The following APBB2 variants were observed in gnomAD, a reference collection of about 807,000 sequenced individuals.
APBB2 encodes the protein Fe65-like 1.
APBB2 carries 38 observed loss-of-function variants against 82.5 expected under a neutral mutation model. The ratio of observed to expected loss-of-function variants is 0.46; its 90% CI spans 0.36 to 0.60. APBB2 has a LOEUF of 0.60. Ranked by LOEUF, APBB2 falls within the 20% of genes least tolerant of loss-of-function variation. The pLI is 0.00. For missense variants in APBB2, 772 were observed against 972.3 expected (o/e 0.79, Z 2.74); for synonymous variants, 341 against 368.2 (o/e 0.93, Z 0.85).
intron 12 of APBB2, among the ~76,000 whole-genome samples, chr4:40,854,806 AAAAG>A (rs1156815011): frequency 6.6e-6 from 1 of 151,126 alleles, no homozygotes; most frequent in Non-Finnish European, 1.5e-5. Flanking sequence ...AAAAAAAAAA[AAAAG>A]AAGAAAGAAA....
intron 12 of APBB2, among the ~76,000 whole-genome samples, chr4:40,885,656 G>T (rs1459658787): frequency 6.6e-6 from 1 of 152,092 alleles, no homozygotes; most frequent in African/African-American, 2.4e-5. Context: ...GGCCCAATGG[G>T]GTCTCCACTT....
intron 12 of APBB2, among the ~76,000 whole-genome samples, chr4:40,887,329 G>T (rs545850335): frequency 6.6e-6 from 1 of 152,164 alleles, no homozygotes; most frequent in African/African-American, 2.4e-5. Flanking sequence ...AAGATTTTGC[G>T]CCCTTCATGT....
At chr4:41,164,111 A>C (rs1426582251) in intron 1 of APBB2, among the ~76,000 whole-genome samples, 1 of 152,230 alleles carries the variant, frequency 6.6e-6, no homozygotes, top group Non-Finnish European at 1.5e-5. Flanking sequence ...AAGTCTAAAC[A>C]TGAAATTCAT....
At chr4:40,975,441 C>T (rs896884183) in intron 6 of APBB2, among the ~76,000 whole-genome samples, 1 of 152,118 alleles carries the variant, frequency 6.6e-6, no homozygotes, top group Non-Finnish European at 1.5e-5. Context: ...CTAATCACAA[C>T]CATTTTTGTC....
At chr4:40,972,624 T>C (rs1222588979) in intron 6 of APBB2, among the ~76,000 whole-genome samples, 3 of 152,170 alleles carry the variant, frequency 2.0e-5, no homozygotes, top group African/African-American at 7.2e-5. Flanking sequence ...GAACCAGGCA[T>C]TGAACTAGGT....
Position 40,813,574 on chromosome 4 carries a change from T to C in APBB2, c.*2518A>G, listed in dbSNP as rs1260673647. The C allele has an allele frequency of 2.6e-5, 4 of 152,246 alleles. No homozygotes were observed. The highest frequency in any genetic ancestry group is 2.9e-5 in the Non-Finnish European group (2 of 68,040). The allele number at this position is 152,246 out of a possible 1,614,324, so 9.4% of individuals were successfully genotyped here. A position where few individuals can be genotyped will look rare whatever the true frequency, so the allele number is the denominator to read the frequency against. On this transcript the variant is annotated 3_prime_UTR_variant, in exon 18 of 18. Coordinates refer to ENST00000508593, the MANE Select transcript of APBB2 (RefSeq NM_004307.2). ...AAATTAATTTGCATTTACTATACAA[T>C]GCCATTTTCAAAACAAAACGTCTGC...
rs531838192 is a variant in APBB2 at position 40,964,860 on chromosome 4, C to G, written c.836-19787G>C. 6.6e-5 allele frequency among the ~76,000 whole-genome samples: 10 copies of G among 151,914 alleles called. No homozygotes were observed. The East Asian group carries it at 1.9e-3, about 29-fold the overall frequency. ...TAGTAGCCGGTAGTGGTGGCTCACA[C>G]CTGTAATCTTAGCACTTTGGGAGGC... On this transcript the variant is annotated intron_variant, in intron 6 of 17. Coordinates refer to ENST00000508593, the MANE Select transcript of APBB2 (RefSeq NM_004307.2).
In APBB2 at chr4:40,902,432, G is replaced by C. The variant is rs1465113326; in HGVS notation, c.1255-9021C>G. ...AGAAGAAATGGGTATAGGAAAGTAGGGAGGGGCAAGAAAGGGCTGCACAAC... is the reference window on the plus strand; with the variant it reads ...AGAAGAAATGGGTATAGGAAAGTAGCGAGGGGCAAGAAAGGGCTGCACAAC... On this transcript the variant is annotated intron_variant, in intron 10 of 17. Coordinates refer to ENST00000508593, the MANE Select transcript of APBB2 (RefSeq NM_004307.2). Among the ~76,000 whole-genome samples the C allele has an allele frequency of 7.2e-5, 11 of 152,214 alleles. No individual in the cohort carries two copies. The East Asian group carries it at 2.1e-3, about 29-fold the overall frequency.
intron 1 of APBB2, among the ~76,000 whole-genome samples, chr4:41,179,540 C>G (rs1770768191): frequency 6.6e-6 from 1 of 152,086 alleles, no homozygotes; most frequent in African/African-American, 2.4e-5. Flanking sequence ...AAAGAACACA[C>G]AATTAAAATG....
At chr4:40,819,190 T>G (rs55791814) in intron 17 of APBB2, among the ~76,000 whole-genome samples, 9 of 93,416 alleles carry the variant, frequency 9.6e-5, no homozygotes, top group African/African-American at 3.8e-4. Flanking sequence ...TTTTTTTTTC[T>G]TTTTTTTTTT....
chr4:41,093,443 A>G (rs78625962), intron 3 of APBB2, among the ~76,000 whole-genome samples: 2,204 of 152,268 alleles, frequency 0.014, 31 homozygotes, highest in East Asian at 0.035. Context: ...TTCCAAGTGG[A>G]TAAGGATTTT....
intron 12 of APBB2, among the ~76,000 whole-genome samples, chr4:40,854,553 G>A (rs887543536): frequency 2.6e-5 from 4 of 152,224 alleles, no homozygotes; most frequent in African/African-American, 9.6e-5. Context: ...TTGGGAGGCC[G>A]AGATGGACAG....
intron 10 of APBB2, among the ~76,000 whole-genome samples, chr4:40,904,067 A>G (rs956907673): frequency 6.6e-6 from 1 of 152,112 alleles, no homozygotes; most frequent in Non-Finnish European, 1.5e-5. Flanking sequence ...TACTGTAGCC[A>G]GTAGACAGCA....
chr4:41,179,478 A>G (rs1770752253), intron 1 of APBB2, among the ~76,000 whole-genome samples: 1 of 152,240 alleles, frequency 6.6e-6, no homozygotes, highest in African/African-American at 2.4e-5. Context: ...AATAGTTTTT[A>G]TCTATCAGGT....
chr4:40,971,014 T>C (rs529946419), intron 6 of APBB2, among the ~76,000 whole-genome samples: 1 of 152,316 alleles, frequency 6.6e-6, no homozygotes, highest in African/African-American at 2.4e-5. Context: ...ACAGTTTATG[T>C]CTCAAGAGAA....
chr4:40,948,747 G>A (rs926368921), intron 6 of APBB2, among the ~76,000 whole-genome samples: 3 of 135,030 alleles, frequency 2.2e-5, no homozygotes, highest in Non-Finnish European at 4.6e-5. Context: ...GTGACAGAGT[G>A]AGACTCCCAT....
chr4:40,902,401 G>A (rs1429611754), intron 10 of APBB2, among the ~76,000 whole-genome samples: 1 of 152,196 alleles, frequency 6.6e-6, no homozygotes, highest in Non-Finnish European at 1.5e-5. Context: ...GAATTTAAGA[G>A]CTAACAGAAG....
rs562059761 is a variant in APBB2, at chr4:40,849,137, G to C, written c.1530-18560C>G. Among the ~76,000 whole-genome samples, 5 of 152,316 alleles carry C rather than the reference G, an allele frequency of 3.3e-5. No homozygotes were observed. In the South Asian group the frequency reaches 1.0e-3, roughly 32 times the overall value. On this transcript the variant is annotated intron_variant, in intron 12 of 17. Coordinates refer to ENST00000508593, the MANE Select transcript of APBB2 (RefSeq NM_004307.2). ...GCCACAAACAGTAGGGAGTTGGCTG[G>C]ATTCCTTTTTCTCCTGCTATTGCTC...
intron 7 of APBB2, among the ~76,000 whole-genome samples, chr4:40,942,739 C>T (rs952515313): frequency 3.9e-5 from 6 of 152,080 alleles, no homozygotes; most frequent in Non-Finnish European, 5.9e-5. Flanking sequence ...GCAAGGGGTA[C>T]GATGCAGGCA....
Sources: allele counts gnomAD v4.1 joint callset (sites outside exome capture counted in the v4.1 genomes callset), GRCh38; gene constraint gnomAD v4.1.1; transcripts MANE v1.5; gene names NCBI Gene and HGNC (gene_info 2026-07-23, HGNC 2026-07-21).